GADL1: variants seen among roughly 807,000 people sequenced by gnomAD.
GADL1 encodes the protein GAD like acidic amino acid decarboxylase 1, also known as acidic amino acid decarboxylase GADL1.
Under a neutral mutation model 69.5 loss-of-function variants are expected in GADL1, and 71 were observed. That is an observed-to-expected ratio of 1.02 (90% CI 0.84 to 1.25). The LOEUF (loss-of-function observed/expected upper bound fraction) is 1.25. GADL1 is among the 50% of genes most tolerant of loss of function. GADL1 has a pLI of 0.00. For synonymous variants in GADL1, 254 were observed against 214.4 expected, an observed-to-expected ratio of 1.18 and a Z score of -1.62; for missense variants, 737 against 631.8, an observed-to-expected ratio of 1.17 and a Z score of -1.79.
intron 14 of GADL1, among the ~76,000 whole-genome samples, chr3:30,774,988 G>T (rs1289305163): frequency 1.3e-5 from 2 of 152,110 alleles, no homozygotes; most frequent in Non-Finnish European, 2.9e-5. Flanking sequence ...ATACAATCTA[G>T]GTAGGGAAGT....
At chr3:30,797,862 T>C (rs1156985410) in intron 12 of GADL1, 2 of 152,160 alleles carry the variant, frequency 1.3e-5, no homozygotes, top group Non-Finnish European at 2.9e-5. Context: ...GTTTGAATGT[T>C]TAACACCATG....
chr3:30,792,534 A>ACC (rs1696947084), intron 12 of GADL1, among the ~76,000 whole-genome samples: 1 of 152,134 alleles, frequency 6.6e-6, no homozygotes, highest in Non-Finnish European at 1.5e-5. Context: ...CCATAATTGT[A>ACC]CCACTGCACT....
In GADL1 at chr3:30,728,128, G is replaced by T. The variant is rs1695396598; in HGVS notation, c.*114C>A. The T allele has an allele frequency of 1.1e-6, 1 of 909,668 alleles. No homozygotes were observed. Among genetic ancestry groups the T allele is most frequent in the Non-Finnish European group, 1.7e-6 (1 of 581,804 alleles). 56.3% of individuals were successfully genotyped at this position (909,668 alleles called of 1,614,324 possible). ...TTTGGTTTTGCTGGGCCTGGACTGG[G>T]AGTATTCCCTATTTCTCATCAGAAG... On this transcript the variant is annotated 3_prime_UTR_variant, in exon 15 of 15. Transcript: ENST00000282538.
chr3:30,764,475 G>GT (rs1471163349), intron 14 of GADL1, among the ~76,000 whole-genome samples: 6 of 152,162 alleles, frequency 3.9e-5, no homozygotes. Context: ...AAAAATGGAA[G>GT]TAGAGCCAAG....
intron 1 of GADL1, among the ~76,000 whole-genome samples, chr3:30,878,372 GGAAGGAAGTGATGGA>G (rs1698603707): frequency 6.6e-6 from 1 of 151,864 alleles, no homozygotes; most frequent in Non-Finnish European, 1.5e-5. Context: ...AGTAGCTCAG[GGAAGGAAGTGATGGA>G]GAACATGAGC....
chr3:30,856,141 T>G (rs1698227524), intron 3 of GADL1, among the ~76,000 whole-genome samples: 1 of 152,076 alleles, frequency 6.6e-6, no homozygotes, highest in Non-Finnish European at 1.5e-5. Flanking sequence ...TTTTGATACA[T>G]ACACCAGACT....
chr3:30,727,075 T>C lies in GADL1; in HGVS notation c.*1167A>G, dbSNP rs775191697. 2 of 151,148 alleles carry C rather than the reference T, an allele frequency of 1.3e-5. No homozygotes were observed. Among genetic ancestry groups the C allele is most frequent in the Non-Finnish European group, 3.0e-5 (2 of 67,664 alleles). The allele number at this position is 151,148 out of a possible 1,614,324, so 9.4% of individuals were successfully genotyped here. On this transcript the variant is annotated 3_prime_UTR_variant, in exon 15 of 15. Coordinates refer to ENST00000282538, the MANE Select transcript of GADL1 (RefSeq NM_207359.3). ...AAGCTAAAAGAGGAACACAGAAACA[T>C]ATATGTGTGTATATATATATATACT...
At chr3:30,847,142 ATTAC>A (rs1455417549) in intron 6 of GADL1, among the ~76,000 whole-genome samples, 2 of 152,204 alleles carry the variant, frequency 1.3e-5, no homozygotes, top group Admixed American at 6.5e-5. Context: ...ACATAGATTT[ATTAC>A]TTTTATTTCT....
intron 14 of GADL1, among the ~76,000 whole-genome samples, chr3:30,762,079 A>C (rs1355414594): frequency 6.6e-6 from 1 of 152,132 alleles, no homozygotes; most frequent in Non-Finnish European, 1.5e-5. Context: ...ACATCACCAA[A>C]TATCTTGACT....
At chr3:30,834,928 T>C (rs1489973218) in intron 9 of GADL1, among the ~76,000 whole-genome samples, 1 of 152,040 alleles carries the variant, frequency 6.6e-6, no homozygotes, top group Non-Finnish European at 1.5e-5. Context: ...GAAAAATTGA[T>C]GTAAGAAATA....
intron 14 of GADL1, among the ~76,000 whole-genome samples, chr3:30,776,383 A>G (rs558595929): frequency 1.2e-3 from 179 of 152,338 alleles, no homozygotes; most frequent in Non-Finnish European, 2.2e-3. Flanking sequence ...TCACCACTAA[A>G]TTCTCACATT....
At chr3:30,772,150 A>C (rs1250539773) in intron 14 of GADL1, among the ~76,000 whole-genome samples, 1 of 139,386 alleles carries the variant, frequency 7.2e-6, no homozygotes, top group Non-Finnish European at 1.6e-5. Context: ...TTTTATCACC[A>C]AACAATAAAA....
intron 1 of GADL1, among the ~76,000 whole-genome samples, chr3:30,883,468 G>A (rs1404621390): frequency 6.6e-6 from 1 of 151,756 alleles, no homozygotes; most frequent in African/African-American, 2.4e-5. Context: ...ATATGTGAGG[G>A]GTTATTTCTG....
At chr3:30,757,457 G>A (rs924682674) in intron 14 of GADL1, among the ~76,000 whole-genome samples, 1 of 152,202 alleles carries the variant, frequency 6.6e-6, no homozygotes, top group Non-Finnish European at 1.5e-5. Flanking sequence ...ACATGAAAGG[G>A]AAACCAGTTA....
At chr3:30,756,124 G>A (rs933906843) in intron 14 of GADL1, among the ~76,000 whole-genome samples, 6 of 152,258 alleles carry the variant, frequency 3.9e-5, no homozygotes, top group South Asian at 2.1e-4. Context: ...GAAATGACTC[G>A]CCACTCTTCG....
intron 1 of GADL1, among the ~76,000 whole-genome samples, chr3:30,871,794 A>C (rs1698486535): frequency 1.3e-5 from 2 of 151,796 alleles, no homozygotes; most frequent in African/African-American, 4.8e-5. Context: ...TTCTGAGAGA[A>C]CGTGCTCCTC....
At position 30,779,742 on chromosome 3, in the gene GADL1, TTG is replaced by T. The variant is rs550616630; in HGVS notation, c.1303-1476_1303-1475del. 1.2e-3 allele frequency among the ~76,000 whole-genome samples: 181 copies of T among 152,302 alleles called. 1 individual carries two copies. Among genetic ancestry groups the T allele is most frequent in the Non-Finnish European group, 1.1e-3 (75 of 68,026 alleles). The stretch of plus-strand genomic sequence containing the variant: ...AATATAGTAATTATCTGTCACTAGA[TTG>T]TGTTATGTCAGTTATCAATTTATTG... On this transcript the variant is annotated intron_variant, in intron 13 of 14. Coordinates refer to ENST00000282538, the MANE Select transcript of GADL1 (RefSeq NM_207359.3).
chr3:30,786,768 G>A (rs535764375), intron 12 of GADL1, among the ~76,000 whole-genome samples: 1 of 152,254 alleles, frequency 6.6e-6, no homozygotes, highest in East Asian at 1.9e-4. Flanking sequence ...TAGCTGGCTT[G>A]GAGGAAAGAG....
intron 14 of GADL1, among the ~76,000 whole-genome samples, chr3:30,732,426 T>C (rs1439978633): frequency 6.6e-6 from 1 of 152,184 alleles, no homozygotes; most frequent in African/African-American, 2.4e-5. Context: ...CATTTCTATT[T>C]GGATACACGG....
Sources: gnomAD v4.1 joint callset for allele counts (sites outside exome capture counted in the v4.1 genomes callset) on GRCh38, gnomAD v4.1.1 for gene constraint, MANE v1.5 for transcripts, NCBI Gene and HGNC (gene_info 2026-07-23, HGNC 2026-07-21) for gene names.